Variants in RBM19 observed in about 807,000 individuals in gnomAD.
The protein encoded by RBM19 is RNA binding motif protein 19, also known as probable RNA-binding protein 19.
RBM19 carries 94 observed loss-of-function variants against 116.8 expected under a neutral mutation model. The observed-to-expected ratio is 0.80, with a 90% CI of 0.68 to 0.95. The LOEUF (loss-of-function observed/expected upper bound fraction) is 0.95. Among genes scored for constraint, RBM19 ranks in the 40% least tolerant of loss-of-function variants. RBM19 has a pLI of 0.00. For missense variants in RBM19, 1,161 were observed against 1,220.7 expected (o/e 0.95, Z 0.73); for synonymous variants, 475 against 494.1 (o/e 0.96, Z 0.51).
At chr12:113,958,445 CTG>C (rs1872169192) in intron 5 of RBM19, among the ~76,000 whole-genome samples, 2 of 152,250 alleles carry the variant, frequency 1.3e-5, no homozygotes, top group African/African-American at 4.8e-5. Flanking sequence ...GCTTCTTCCA[CTG>C]TCTCCTCCTG....
intron 23 of RBM19, among the ~76,000 whole-genome samples, chr12:113,823,884 A>G (rs572003351): frequency 1.3e-5 from 2 of 152,200 alleles, no homozygotes; most frequent in Non-Finnish European, 2.9e-5. Flanking sequence ...GGTGCAGTAC[A>G]TGGCTGGCAT....
chr12:113,836,821 T>TACACACACAC (rs1565964414), intron 23 of RBM19, among the ~76,000 whole-genome samples: 8 of 138,240 alleles, frequency 5.8e-5, no homozygotes, highest in African/African-American at 1.6e-4. Context: ...ACTTACTACA[T>TACACACACAC]ACATACACAC....
chr12:113,912,610 GGGCTGCTGTGC>G (rs1420796037), intron 21 of RBM19, among the ~76,000 whole-genome samples: 1 of 152,214 alleles, frequency 6.6e-6, no homozygotes, highest in Non-Finnish European at 1.5e-5. Context: ...ATCCCTCGCA[GGGCTGCTGTGC>G]GGCTTAAAAG....
chr12:113,959,679 C>T (rs1319119044), intron 4 of RBM19, among the ~76,000 whole-genome samples, 186 bp downstream of exon 4: 1 of 152,102 alleles, frequency 6.6e-6, no homozygotes, highest in Non-Finnish European at 1.5e-5. Flanking sequence ...AGCCTCCATC[C>T]TCTCCAGCCT....
At position 113,905,021 on chromosome 12, in the gene RBM19, C is replaced by T. The variant is rs74689496; in HGVS notation, c.2558+9948G>A. ...GACGCCTGGTCCAAGCCGCAGTCAG[C>T]TATGGCCCAGGTGAAGCAAAAACCC... On this transcript the variant is annotated intron_variant, in intron 21 of 23. Coordinates refer to ENST00000261741, the MANE Select transcript of RBM19 (RefSeq NM_016196.4). Among the ~76,000 whole-genome samples, 908 of 152,324 alleles carry T rather than the reference C, an allele frequency of 6.0e-3. 5 individuals are homozygous for T. Among genetic ancestry groups the T allele is most frequent in the Middle Eastern group, 0.031 (9 of 294 alleles).
At chr12:113,820,782 G>A (rs1379151807), downstream of RBM19, among the ~76,000 whole-genome samples, 6 of 152,184 alleles carry the variant, frequency 3.9e-5, no homozygotes, top group East Asian at 9.7e-4. Flanking sequence ...GCCAGGCTCA[G>A]TATATGGCCT....
At chr12:113,875,645 T>G (rs901899561) in intron 21 of RBM19, among the ~76,000 whole-genome samples, 1 of 152,110 alleles carries the variant, frequency 6.6e-6, no homozygotes, top group South Asian at 2.1e-4. Flanking sequence ...CAGATAGGAT[T>G]TGGGGTGTAG....
chr12:113,934,971 G>A (rs1869922022), intron 16 of RBM19, among the ~76,000 whole-genome samples: 1 of 152,190 alleles, frequency 6.6e-6, no homozygotes, highest in South Asian at 2.1e-4. Flanking sequence ...CCCCCGGGGT[G>A]CTGGGTACCG....
intron 18 of RBM19, among the ~76,000 whole-genome samples, chr12:113,923,295 C>G (rs1291997985): frequency 1.3e-5 from 2 of 152,068 alleles, no homozygotes; most frequent in East Asian, 3.9e-4. Context: ...ATCTATAAGC[C>G]CAGAGACAGG....
At chr12:113,906,750 G>T (rs1158023107) in intron 21 of RBM19, among the ~76,000 whole-genome samples, 1 of 151,818 alleles carries the variant, frequency 6.6e-6, no homozygotes, top group African/African-American at 2.4e-5. Flanking sequence ...TTACCTAACT[G>T]CCCAGTCTAA....
At chr12:113,951,477 T>G (rs954633648) in intron 8 of RBM19, among the ~76,000 whole-genome samples, 8 of 152,042 alleles carry the variant, frequency 5.3e-5, no homozygotes, top group African/African-American at 1.9e-4. Flanking sequence ...CTAAATGCTG[T>G]ACACAGAGCC....
intron 22 of RBM19, among the ~76,000 whole-genome samples, chr12:113,856,399 A>C (rs563635878): frequency 6.6e-6 from 1 of 152,284 alleles, no homozygotes; most frequent in African/African-American, 2.4e-5. Flanking sequence ...TGAAGAGCAA[A>C]ACTTAGCCAA....
chr12:113,922,910 G>A (rs1260540594), intron 18 of RBM19, among the ~76,000 whole-genome samples: 2 of 152,192 alleles, frequency 1.3e-5, no homozygotes, highest in Non-Finnish European at 2.9e-5. Flanking sequence ...AAGGCAGGCA[G>A]ATCACTTGAG....
rs779030857 is a variant in RBM19, at chr12:113,827,101, C to T, written c.2786-3780G>A. 1.2e-4 allele frequency among the ~76,000 whole-genome samples: 18 copies of T among 152,198 alleles called. 1 individual carries two copies. Among genetic ancestry groups the T allele is most frequent in the Admixed American group, 1.3e-4 (2 of 15,286 alleles). ...GCACCCTGTTTGCAGCGAACAGCTG[C>T]TGAAATCCCACTTCCCCGACATCAA... On this transcript the variant is annotated intron_variant, in intron 23 of 23. Coordinates refer to ENST00000261741, the MANE Select transcript of RBM19 (RefSeq NM_016196.4).
chr12:113,823,248 G>A lies in RBM19; in HGVS notation c.2859C>T (p.Ser953=), dbSNP rs11066773. 212,846 of 1,611,582 alleles carry A rather than the reference G, an allele frequency of 0.13. 15,057 individuals carry two copies. Among genetic ancestry groups the A allele is most frequent in the South Asian group, 0.22 (20,051 of 91,042 alleles). Residue 953 remains serine (S), a synonymous_variant, in exon 24 of 24, where the codon AGC becomes AGT. Transcript: ENST00000261741. ...LEQLEGSDSD[S]EEQTLQL ...CTCACAGCTGAAGGGTCTGCTCCTC[G>A]CTGTCGCTGTCACTGCCTTCCAGCT...
At chr12:113,835,930 A>G (rs1875840799) in intron 23 of RBM19, among the ~76,000 whole-genome samples, 1 of 152,176 alleles carries the variant, frequency 6.6e-6, no homozygotes, top group Non-Finnish European at 1.5e-5. Context: ...AGTGCTGTAA[A>G]ACACAGGGTT....
downstream of RBM19, among the ~76,000 whole-genome samples, chr12:113,820,380 ATG>A (rs1462922789): frequency 1.3e-5 from 2 of 152,086 alleles, no homozygotes; most frequent in African/African-American, 2.4e-5. Flanking sequence ...CGCAGGAAGA[ATG>A]TGAGGGAAGG....
At chr12:113,947,269 C>A in intron 11 of RBM19, 65 bp downstream of exon 11, 2 of 1,524,094 alleles carry the variant, frequency 1.3e-6, no homozygotes, top group Non-Finnish European at 1.8e-6. Context: ...CACACACACA[C>A]ACACCAGCCT....
At position 113,844,694 on chromosome 12, in the gene RBM19, C is replaced by T. The variant is rs763305487; in HGVS notation, c.2759G>A (p.Arg920Gln). ...GTGAAAGTGAGCGGCCGTCTTCCGC[C>T]GCAGGGCCTGCAGGGTCACCTCGGA... is the stretch of plus-strand genomic sequence containing the variant. ...ADSEVTLQAL[R>Q]RKTAAHFHEP... Residue 920 changes from arginine (R) to glutamine (Q), a missense_variant, in exon 23 of 24, where the codon CGG (arginine) becomes CAG (glutamine). Arg to Gln is a conservative substitution (Grantham distance 43). Coordinates refer to ENST00000261741, the MANE Select transcript of RBM19 (RefSeq NM_016196.4). 13 of 1,612,066 alleles carry T rather than the reference C, an allele frequency of 8.1e-6. 1 individual carries two copies. The highest frequency in any genetic ancestry group is 1.7e-5 in the Admixed American group (1 of 59,868).
Sources: gnomAD v4.1 joint callset for allele counts (sites outside exome capture counted in the v4.1 genomes callset) on GRCh38, gnomAD v4.1.1 for gene constraint, MANE v1.5 for transcripts, NCBI Gene and HGNC (gene_info 2026-07-23, HGNC 2026-07-21) for gene names.